The following CMSS1 variants were observed in gnomAD, a reference collection of about 807,000 sequenced individuals.
CMSS1 encodes cms1 ribosomal small subunit homolog, also known as protein CMSS1.
In CMSS1, 33 loss-of-function variants were observed where a neutral mutation model predicts 43.5. That is an observed-to-expected ratio of 0.76 (90% CI 0.57 to 1.01). The LOEUF is 1.01. Ranked by LOEUF, CMSS1 falls within the 50% of genes least tolerant of loss-of-function variation. The pLI is 0.00. For missense variants in CMSS1, 313 were observed against 326.4 expected, an observed-to-expected ratio of 0.96 and a Z score of 0.32; for synonymous variants, 115 against 117.2, an observed-to-expected ratio of 0.98 and a Z score of 0.12.
Position 99,977,933 on chromosome 3 carries a change from A to G in CMSS1, c.64+159890A>G, listed in dbSNP as rs1022217463. 2.0e-5 allele frequency among the ~76,000 whole-genome samples: 3 copies of G among 152,202 alleles called. No individual in the cohort carries two copies. The South Asian group carries it at 6.2e-4, about 32-fold the overall frequency. On this transcript the variant is annotated intron_variant, in intron 1 of 9. Coordinates refer to ENST00000421999, the MANE Select transcript of CMSS1 (RefSeq NM_032359.4). ...TTAACCTAAAAGAAAAAATTGCAGG[A>G]AAAATAGAAACAGGCCAAAATTTCC...
At chr3:99,958,203 CATTATTATTATTATTATTATTATT>C (rs71688408) in intron 1 of CMSS1, among the ~76,000 whole-genome samples, 8 of 132,708 alleles carry the variant, frequency 6.0e-5, no homozygotes, top group Non-Finnish European at 1.1e-4. Flanking sequence ...GCCCTGCATG[CATTATTATTATTATTATTATTATT>C]ATTATTATTA....
At chr3:100,039,155 A>G (rs1042033711) in intron 1 of CMSS1, among the ~76,000 whole-genome samples, 1 of 152,228 alleles carries the variant, frequency 6.6e-6, no homozygotes, top group South Asian at 2.1e-4. Context: ...ATAATAGTTC[A>G]TCAAACACAG....
intron 1 of CMSS1, among the ~76,000 whole-genome samples, chr3:99,970,750 G>C (rs1205174466): frequency 6.6e-6 from 1 of 152,188 alleles, no homozygotes; most frequent in African/African-American, 2.4e-5. Context: ...TGCTACGATA[G>C]ACCTCAAAGG....
intron 1 of CMSS1, chr3:99,929,980 G>T (rs747334884): frequency 6.2e-7 from 1 of 1,613,916 alleles, no homozygotes; most frequent in East Asian, 2.2e-5. Flanking sequence ...TTCCAGCAAA[G>T]CCAGGTCCAT....
intron 1 of CMSS1, among the ~76,000 whole-genome samples, chr3:99,987,869 G>T (rs1226094956): frequency 6.6e-6 from 1 of 152,180 alleles, no homozygotes; most frequent in Non-Finnish European, 1.5e-5. Flanking sequence ...ACTTGATCTG[G>T]CAAACAATAA....
chr3:99,872,119 A>G (rs1344350613), intron 1 of CMSS1, among the ~76,000 whole-genome samples: 1 of 152,104 alleles, frequency 6.6e-6, no homozygotes, highest in Non-Finnish European at 1.5e-5. Context: ...CCAAGAATGC[A>G]GGGGGCCCTG....
At chr3:100,096,869 C>A (rs1234636434) in intron 1 of CMSS1, among the ~76,000 whole-genome samples, 1 of 152,110 alleles carries the variant, frequency 6.6e-6, no homozygotes, top group Non-Finnish European at 1.5e-5. Context: ...CAAAATATCT[C>A]ATATACCCCA....
intron 1 of CMSS1, among the ~76,000 whole-genome samples, chr3:100,092,643 C>T (rs141887452): frequency 8.1e-5 from 12 of 147,564 alleles, no homozygotes; most frequent in South Asian, 4.5e-4. Context: ...CCTAGAATAA[C>T]GCCTGGTATC....
intron 1 of CMSS1, among the ~76,000 whole-genome samples, chr3:99,922,525 T>C (rs2107652198): frequency 6.6e-6 from 1 of 152,230 alleles, no homozygotes; most frequent in East Asian, 1.9e-4. Flanking sequence ...TCCGAAAAAA[T>C]GCCTACCATA....
At chr3:100,123,600 TC>T in intron 1 of CMSS1, among the ~76,000 whole-genome samples, 1 of 152,318 alleles carries the variant, frequency 6.6e-6, no homozygotes. Context: ...AACAGGGTAC[TC>T]CCAGGCCGTG....
intron 1 of CMSS1, among the ~76,000 whole-genome samples, chr3:100,045,171 C>T (rs2065259342): frequency 6.6e-6 from 1 of 152,102 alleles, no homozygotes; most frequent in East Asian, 1.9e-4. Flanking sequence ...TTTAAAGCTG[C>T]GAATATGACC....
chr3:99,971,132 T>A (rs1316584480), intron 1 of CMSS1, among the ~76,000 whole-genome samples: 5 of 152,106 alleles, frequency 3.3e-5, no homozygotes, highest in Non-Finnish European at 7.4e-5. Flanking sequence ...GGTCAGGAGA[T>A]CGAGACCATC....
chr3:99,874,857 G>C (rs1475237292), intron 1 of CMSS1, among the ~76,000 whole-genome samples: 1 of 152,180 alleles, frequency 6.6e-6, no homozygotes, highest in African/African-American at 2.4e-5. Flanking sequence ...AGTGGTTATA[G>C]TGCTCTGCTC....
chr3:99,986,184 A>G (rs146914113), intron 1 of CMSS1, among the ~76,000 whole-genome samples: 25 of 152,374 alleles, frequency 1.6e-4, no homozygotes, highest in Admixed American at 3.3e-4. Flanking sequence ...AATATGTTCA[A>G]ATTATAAGAT....
intron 1 of CMSS1, among the ~76,000 whole-genome samples, chr3:99,829,225 T>C: frequency 9.7e-6 from 1 of 102,654 alleles, no homozygotes; most frequent in South Asian, 3.1e-4. Context: ...TGTCGTTCCA[T>C]TGATTTTTTT....
chr3:100,001,629 G>A (rs1559720907), intron 1 of CMSS1, among the ~76,000 whole-genome samples: 1 of 152,204 alleles, frequency 6.6e-6, no homozygotes, highest in East Asian at 1.9e-4. Flanking sequence ...CCATCTAGTT[G>A]GGTCTTGTCT....
intron 1 of CMSS1, among the ~76,000 whole-genome samples, chr3:99,827,017 G>A (rs1206382557): frequency 6.6e-6 from 1 of 152,020 alleles, no homozygotes; most frequent in African/African-American, 2.4e-5. Context: ...ATGCCCAGGA[G>A]GAAAGATGCT....
At chr3:99,954,404 T>A (rs1206900032) in intron 1 of CMSS1, among the ~76,000 whole-genome samples, 1 of 152,164 alleles carries the variant, frequency 6.6e-6, no homozygotes, top group Non-Finnish European at 1.5e-5. Flanking sequence ...GGCTCCCAGT[T>A]TAACACAAAC....
At chr3:99,980,006 G>T (rs1252616707) in intron 1 of CMSS1, among the ~76,000 whole-genome samples, 2 of 151,828 alleles carry the variant, frequency 1.3e-5, no homozygotes, top group African/African-American at 2.4e-5. Flanking sequence ...AAGATGGACA[G>T]AAATTATTAA....
Sources: gnomAD v4.1 joint callset for allele counts (sites outside exome capture counted in the v4.1 genomes callset) on GRCh38, gnomAD v4.1.1 for gene constraint, MANE v1.5 for transcripts, NCBI Gene and HGNC (gene_info 2026-07-23, HGNC 2026-07-21) for gene names.